The following ZNF385D variants were observed in gnomAD, a reference collection of about 807,000 sequenced individuals.
ZNF385D encodes the protein zinc finger protein 659.
In ZNF385D, 15 loss-of-function variants were observed where a neutral mutation model predicts 35.8. The observed-to-expected ratio is 0.42, with a 90% CI of 0.28 to 0.64. The LOEUF is 0.64. Among genes scored for constraint, ZNF385D ranks in the 30% least tolerant of loss-of-function variants. The pLI, the probability that ZNF385D is intolerant of heterozygous loss-of-function variation, is 0.23. For synonymous variants in ZNF385D, 212 were observed against 186.8 expected (o/e 1.13, Z -1.10); for missense variants, 474 against 494.6 (o/e 0.96, Z 0.39).
chr3:21,835,518 C>T (rs1040530621), intron 3 of ZNF385D, among the ~76,000 whole-genome samples: 3 of 98,916 alleles, frequency 3.0e-5, no homozygotes, highest in Non-Finnish European at 6.2e-5. Flanking sequence ...AGTGATACTA[C>T]TTAAAAAAAA....
At chr3:21,795,944 A>G (rs193193286) in intron 3 of ZNF385D, among the ~76,000 whole-genome samples, 1 of 152,372 alleles carries the variant, frequency 6.6e-6, no homozygotes, top group East Asian at 1.9e-4. Context: ...GGTAAGTAAA[A>G]GAACTTAAGG....
chr3:22,314,514 A>G (rs922171035), intron 2 of ZNF385D, among the ~76,000 whole-genome samples: 2 of 152,060 alleles, frequency 1.3e-5, no homozygotes, highest in African/African-American at 2.4e-5. Context: ...TTATTTGTCT[A>G]TTCATTGACG....
chr3:21,435,924 T>G (rs892608100), intron 5 of ZNF385D, among the ~76,000 whole-genome samples: 2 of 152,130 alleles, frequency 1.3e-5, no homozygotes, highest in African/African-American at 4.8e-5. Context: ...CTCCTTAGAG[T>G]CTTGAAGTCA....
intron 2 of ZNF385D, among the ~76,000 whole-genome samples, chr3:21,663,007 G>A (rs982246633): frequency 1.3e-5 from 2 of 152,102 alleles, no homozygotes; most frequent in Admixed American, 1.3e-4. Context: ...GATGACACAT[G>A]GGAGTTTTGT....
At chr3:22,206,963 T>C (rs905513735) in intron 2 of ZNF385D, among the ~76,000 whole-genome samples, 1 of 151,594 alleles carries the variant, frequency 6.6e-6, no homozygotes, top group Non-Finnish European at 1.5e-5. Context: ...GACTACAAAA[T>C]GAAAAGTTTT....
chr3:21,876,350 G>A (rs1395279780), intron 3 of ZNF385D, among the ~76,000 whole-genome samples: 1 of 151,112 alleles, frequency 6.6e-6, no homozygotes, highest in Non-Finnish European at 1.5e-5. Context: ...AAACGGTATG[G>A]ATATAATCAT....
chr3:22,119,037 T>C (rs562148686), intron 3 of ZNF385D, among the ~76,000 whole-genome samples: 7 of 152,228 alleles, frequency 4.6e-5, no homozygotes, highest in African/African-American at 1.2e-4. Flanking sequence ...TTCTAAAAAA[T>C]TGAATATTAA....
At chr3:21,790,511 A>G (rs2071882776) in intron 3 of ZNF385D, among the ~76,000 whole-genome samples, 1 of 152,200 alleles carries the variant, frequency 6.6e-6, no homozygotes, top group Non-Finnish European at 1.5e-5. Context: ...TTTTAAAATG[A>G]AAAAAGATTA....
chr3:21,685,467 T>C (rs537567103), intron 1 of ZNF385D, among the ~76,000 whole-genome samples: 1 of 152,180 alleles, frequency 6.6e-6, no homozygotes, highest in Non-Finnish European at 1.5e-5. Flanking sequence ...TACATCTCTC[T>C]TTTTTACATC....
intron 3 of ZNF385D, among the ~76,000 whole-genome samples, chr3:22,098,780 A>G (rs1317692014): frequency 6.6e-6 from 1 of 152,052 alleles, no homozygotes; most frequent in East Asian, 1.9e-4. Flanking sequence ...ATATTTTTAA[A>G]GTAGCAAATA....
intron 3 of ZNF385D, among the ~76,000 whole-genome samples, chr3:22,096,939 C>G (rs1455591532): frequency 6.6e-6 from 1 of 152,088 alleles, no homozygotes. Flanking sequence ...AAGCCCAAAT[C>G]TTCATACATT....
At chr3:21,768,739 G>C (rs2070943674) in intron 3 of ZNF385D, among the ~76,000 whole-genome samples, 1 of 151,948 alleles carries the variant, frequency 6.6e-6, no homozygotes, top group African/African-American at 2.4e-5. Context: ...AGTTACTGCT[G>C]TTGTACTTCC....
chr3:21,732,026 CGGGGTTT>C (rs2069023572), intron 1 of ZNF385D, among the ~76,000 whole-genome samples: 2 of 24,124 alleles, frequency 8.3e-5, no homozygotes, highest in African/African-American at 2.9e-4. Context: ...TTTCTTTTTT[CGGGGTTT>C]TTTTTTTTTT....
intron 3 of ZNF385D, among the ~76,000 whole-genome samples, chr3:22,046,370 A>C (rs1699006992): frequency 6.6e-6 from 1 of 152,124 alleles, no homozygotes. Context: ...ATTCTCTGAA[A>C]AAGAATGCCC....
rs538276936 is a variant in ZNF385D at position 22,117,748 on chromosome 3, G to A, written c.325+51069C>T. Reference sequence around the variant, plus strand: ...ATGATTAAAAAGTATTTACATGAAAGGATGTCCATTATTCCCAATAAAAGA... The same window carrying A: ...ATGATTAAAAAGTATTTACATGAAAAGATGTCCATTATTCCCAATAAAAGA... On this transcript the variant is annotated intron_variant, in intron 3 of 5. Transcript: ENST00000494108. 6.7e-4 allele frequency among the ~76,000 whole-genome samples: 102 copies of A among 151,798 alleles called. 1 individual carries two copies. The highest frequency in any genetic ancestry group is 1.1e-3 in the Non-Finnish European group (75 of 67,872).
At chr3:21,439,297 CAAAAAAAAA>C (rs143786633) in intron 4 of ZNF385D, among the ~76,000 whole-genome samples, 8 of 89,326 alleles carry the variant, frequency 9.0e-5, no homozygotes, top group African/African-American at 3.0e-4. Flanking sequence ...GATTTTGAGG[CAAAAAAAAA>C]AAAAAAAAAA....
Position 21,982,079 on chromosome 3 carries a change from GTT to G in ZNF385D, c.325+186736_325+186737del, listed in dbSNP as rs59719489. On this transcript the variant is annotated intron_variant, in intron 3 of 5. Transcript: ENST00000494108. ...TTGGTTCCATTTGAATTTTAAAATA[GTT>G]TTTTTTTTTTTTTTTTAATTCTGTG... Among the ~76,000 whole-genome samples the G allele has an allele frequency of 5.2e-3, 698 of 133,220 alleles. 13 individuals carry two copies. The highest frequency in any genetic ancestry group is 0.048 in the East Asian group (219 of 4,580). 87.4% of individuals were successfully genotyped at this position (133,220 alleles called of 152,430 possible).
chr3:22,120,878 C>T (rs1703057389), intron 3 of ZNF385D, among the ~76,000 whole-genome samples: 1 of 152,040 alleles, frequency 6.6e-6, no homozygotes, highest in East Asian at 1.9e-4. Flanking sequence ...ATATTAAAAA[C>T]AATGACTTTT....
intron 1 of ZNF385D, among the ~76,000 whole-genome samples, chr3:21,744,123 G>C (rs905465282): frequency 1.3e-5 from 2 of 152,108 alleles, no homozygotes; most frequent in Non-Finnish European, 2.9e-5. Flanking sequence ...CACTAGCTTT[G>C]TGACCTTGAG....
Sources: gnomAD v4.1 joint callset for allele counts (sites outside exome capture counted in the v4.1 genomes callset) on GRCh38, gnomAD v4.1.1 for gene constraint, MANE v1.5 for transcripts, NCBI Gene and HGNC (gene_info 2026-07-23, HGNC 2026-07-21) for gene names.